INPP4B: variants seen among roughly 807,000 people sequenced by gnomAD.
INPP4B encodes the protein inositol polyphosphate 4-phosphatase type II.
A neutral mutation model predicts 122.5 loss-of-function variants in INPP4B; 55 were observed. The observed-to-expected ratio is 0.45, with a 90% CI of 0.36 to 0.56. The LOEUF (loss-of-function observed/expected upper bound fraction) is 0.56, where lower values mean the gene tolerates loss of function less well. Ranked by LOEUF, INPP4B falls within the 20% of genes least tolerant of loss-of-function variation. INPP4B has a pLI of 0.00. For missense variants in INPP4B, 1,000 were observed against 1,097.7 expected, an observed-to-expected ratio of 0.91 and a Z score of 1.26; for synonymous variants, 403 against 388.7, an observed-to-expected ratio of 1.04 and a Z score of -0.43.
chr4:142,243,016 A>T (rs1198862240), intron 11 of INPP4B, among the ~76,000 whole-genome samples: 1 of 152,166 alleles, frequency 6.6e-6, no homozygotes, highest in Non-Finnish European at 1.5e-5. Flanking sequence ...GTTTCTCGTC[A>T]TTACTCTCCC....
intron 9 of INPP4B, chr4:142,287,596 G>A (rs896274286): frequency 2.6e-5 from 4 of 152,042 alleles, no homozygotes; most frequent in East Asian, 1.9e-4. Context: ...TGAAGCAGGC[G>A]TTATTCTTGA....
chr4:142,089,119 C>T (rs1487044579), intron 23 of INPP4B, among the ~76,000 whole-genome samples: 3 of 152,104 alleles, frequency 2.0e-5, no homozygotes, highest in Non-Finnish European at 2.9e-5. Context: ...GTGGTTAGTC[C>T]TGGGGCAAGA....
At chr4:142,093,816 C>A (rs3822136) in intron 23 of INPP4B, among the ~76,000 whole-genome samples, 38,110 of 151,942 alleles carry the variant, frequency 0.25, 4,837 homozygotes, top group East Asian at 0.3. Context: ...TCCTGGTCTG[C>A]GTTGAATATT....
intron 5 of INPP4B, among the ~76,000 whole-genome samples, chr4:142,414,432 A>G (rs1805253069): frequency 6.6e-6 from 1 of 152,212 alleles, no homozygotes; most frequent in African/African-American, 2.4e-5. Flanking sequence ...AAAGAAAAAC[A>G]ACACAACCTC....
At chr4:142,456,993 C>T (rs899314155) in intron 3 of INPP4B, among the ~76,000 whole-genome samples, 3 of 151,984 alleles carry the variant, frequency 2.0e-5, no homozygotes, top group African/African-American at 7.2e-5. Context: ...AGAGACAATA[C>T]ATGCATACAT....
At chr4:142,070,521 C>A (rs899412473) in intron 25 of INPP4B, among the ~76,000 whole-genome samples, 1 of 152,072 alleles carries the variant, frequency 6.6e-6, no homozygotes, top group Non-Finnish European at 1.5e-5. Flanking sequence ...AAATGGTATT[C>A]AATGAGGAAA....
At chr4:142,478,118 G>A (rs1820036983) in intron 2 of INPP4B, among the ~76,000 whole-genome samples, 1 of 152,164 alleles carries the variant, frequency 6.6e-6, no homozygotes, top group Admixed American at 6.5e-5. Context: ...TGATTTGTGT[G>A]CACTGATTTT....
At chr4:142,221,657 A>G (rs985768658) in intron 12 of INPP4B, among the ~76,000 whole-genome samples, 19 of 151,944 alleles carry the variant, frequency 1.3e-4, no homozygotes, top group Non-Finnish European at 2.5e-4. Flanking sequence ...CAGATGCTGC[A>G]GCTATTTACC....
At chr4:142,417,891 G>T (rs1806105435) in intron 5 of INPP4B, among the ~76,000 whole-genome samples, 1 of 152,122 alleles carries the variant, frequency 6.6e-6, no homozygotes, top group South Asian at 2.1e-4. Flanking sequence ...CCTTATGTCA[G>T]TCTATTTCTA....
At position 142,206,890 on chromosome 4, in the gene INPP4B, T is replaced by C. The variant is rs530056139; in HGVS notation, c.1072+1535A>G. ...GAACTATAGACACTACACTGTACAG[T>C]AGCTCTCTAGGACTTATTCATTTTG... On this transcript the variant is annotated intron_variant, in intron 14 of 25. Coordinates refer to ENST00000262992, the MANE Select transcript of INPP4B (RefSeq NM_001101669.3). 1.8e-4 allele frequency among the ~76,000 whole-genome samples: 27 copies of C among 152,242 alleles called. No homozygotes were observed. In the South Asian group the frequency reaches 5.6e-3, roughly 32 times the overall value.
At chr4:142,471,168 G>A (rs982695399) in intron 2 of INPP4B, among the ~76,000 whole-genome samples, 2 of 152,028 alleles carry the variant, frequency 1.3e-5, no homozygotes, top group Non-Finnish European at 2.9e-5. Flanking sequence ...CTATAAAATG[G>A]GAAAATGACA....
At chr4:142,743,028 G>GA (rs1427269341) in intron 1 of INPP4B, among the ~76,000 whole-genome samples, 1 of 151,898 alleles carries the variant, frequency 6.6e-6, no homozygotes, top group East Asian at 1.9e-4. Flanking sequence ...GTGAACAGAA[G>GA]AAAACAGAAA....
intron 17 of INPP4B, among the ~76,000 whole-genome samples, chr4:142,146,264 A>G (rs1156899558): frequency 6.6e-6 from 1 of 152,168 alleles, no homozygotes; most frequent in Admixed American, 6.5e-5. Context: ...TACAATATTA[A>G]TCCATAATTG....
chr4:142,628,143 A>G (rs925920405), intron 2 of INPP4B, among the ~76,000 whole-genome samples: 5 of 151,102 alleles, frequency 3.3e-5, no homozygotes, highest in African/African-American at 7.3e-5. Flanking sequence ...TCACAATAGC[A>G]AAGACTTGGA....
At chr4:142,495,789 A>T (rs1361644738) in intron 2 of INPP4B, among the ~76,000 whole-genome samples, 1 of 152,146 alleles carries the variant, frequency 6.6e-6, no homozygotes, top group Non-Finnish European at 1.5e-5. Context: ...GAATGTATTG[A>T]ATTATAAACC....
chr4:142,518,395 C>A (rs1316155315), intron 2 of INPP4B, among the ~76,000 whole-genome samples: 2 of 152,092 alleles, frequency 1.3e-5, no homozygotes, highest in African/African-American at 4.8e-5. Context: ...TAGCAGAAAT[C>A]AGTCAAATTA....
intron 7 of INPP4B, among the ~76,000 whole-genome samples, chr4:142,380,886 T>C (rs1265997593): frequency 6.6e-6 from 1 of 152,144 alleles, no homozygotes; most frequent in Non-Finnish European, 1.5e-5. Flanking sequence ...TTCCCAATCA[T>C]GCAATATTTT....
intron 5 of INPP4B, among the ~76,000 whole-genome samples, chr4:142,422,112 A>G (rs1044379934): frequency 2.6e-5 from 4 of 152,240 alleles, no homozygotes; most frequent in African/African-American, 9.6e-5. Flanking sequence ...GAGAGATATT[A>G]TAGTATGAAC....
At chr4:142,515,450 C>T (rs1825304711) in intron 2 of INPP4B, among the ~76,000 whole-genome samples, 1 of 151,860 alleles carries the variant, frequency 6.6e-6, no homozygotes, top group Non-Finnish European at 1.5e-5. Context: ...TTTTTTTTCA[C>T]ACTAACACAA....
Sources: gnomAD v4.1 joint callset for allele counts (sites outside exome capture counted in the v4.1 genomes callset) on GRCh38, gnomAD v4.1.1 for gene constraint, MANE v1.5 for transcripts, NCBI Gene and HGNC (gene_info 2026-07-23, HGNC 2026-07-21) for gene names.